The following KPNB1 variants were observed in gnomAD, a reference collection of about 807,000 sequenced individuals.
The protein encoded by KPNB1 is importin subunit beta-1.
KPNB1 carries 7 observed loss-of-function variants against 113.0 expected under a neutral mutation model. The ratio of observed to expected loss-of-function variants is 0.06; its 90% CI spans 0.04 to 0.12. The LOEUF is 0.12. KPNB1 is among the 10% of genes least tolerant of loss of function. The pLI, the probability that KPNB1 is intolerant of heterozygous loss-of-function variation, is 1.00. For missense variants in KPNB1, 400 were observed against 1,054.8 expected (o/e 0.38, Z 8.60); for synonymous variants, 363 against 378.6 (o/e 0.96, Z 0.48).
intron 3 of KPNB1, among the ~76,000 whole-genome samples, chr17:47,653,533 C>T (rs2317826): frequency 0.47 from 72,098 of 151,852 alleles, 17,449 homozygotes; most frequent in African/African-American, 0.53. Flanking sequence ...TGAGCCACCT[C>T]GCCTGGCTGT....
In KPNB1 at chr17:47,680,284, T is replaced by G. The variant is rs1250625623; in HGVS notation, c.2468+150T>G. 5 of 752,262 alleles carry G rather than the reference T, an allele frequency of 6.6e-6. No individual in the cohort carries two copies. The African/African-American group carries it at 6.9e-5, about 10-fold the overall frequency. 46.6% of individuals were successfully genotyped at this position (752,262 alleles called of 1,614,324 possible). On this transcript the variant is annotated intron_variant, in intron 20 of 21. Transcript: ENST00000290158. ...TTGCAGAACGCTTCATGTCCTGTTT[T>G]GAGTGTTCACATGATAGTTTATTCC...
chr17:47,650,535 A>G, intron 2 of KPNB1, 91 bp downstream of exon 2: 1 of 1,058,934 alleles, frequency 9.4e-7, no homozygotes. Flanking sequence ...GGCCTCGGGA[A>G]CCTACCCCGC....
In KPNB1 at chr17:47,676,417, G is replaced by A. The variant is rs1386487225; in HGVS notation, c.1921G>A (p.Gly641Ser). 8 of 1,611,850 alleles carry A rather than the reference G, an allele frequency of 5.0e-6. No individual in the cohort carries two copies. Among genetic ancestry groups the A allele is most frequent in the Non-Finnish European group, 6.8e-6 (8 of 1,177,922 alleles). Reference protein sequence around the residue: ...AVSTLVEVLGGEFLKYMEAFK... With the variant: ...AVSTLVEVLGSEFLKYMEAFK... ...AGCTTATTTCATTACAGTGTTGGGT[G>A]GTGAATTCCTCAAGTACATGGAGGC... is the stretch of plus-strand genomic sequence containing the variant. Residue 641 changes from glycine (G) to serine (S), a missense_variant, in exon 16 of 22, where the codon GGT (glycine) becomes AGT (serine). By Grantham distance (56) the Gly-to-Ser change is moderately conservative (BLOSUM62 0). This residue lies in a region of KPNB1 where 115 missense variants were observed against 427.9 expected (regional missense o/e 0.27). Transcript: ENST00000290158.
chr17:47,669,837 G>T lies in KPNB1; in HGVS notation c.1384G>T (p.Ala462Ser). The change falls in exon 11 of 22, where the codon GCT becomes TCT. Residue 462 changes from alanine to serine, a missense_variant. Ala to Ser is a moderately conservative substitution (Grantham distance 99). Coordinates refer to ENST00000290158, the MANE Select transcript of KPNB1 (RefSeq NM_002265.6). ...LLQCLIEGLS[A>S]EPRVASNVCW... Reference sequence around the variant, plus strand: ...ACAGTGTCTGATTGAGGGTCTCAGTGCTGAACCCAGAGTGGCTTCAAATGT... The same window carrying T: ...ACAGTGTCTGATTGAGGGTCTCAGTTCTGAACCCAGAGTGGCTTCAAATGT... The T allele has an allele frequency of 6.2e-7, 1 of 1,611,956 alleles. No homozygotes were observed. Among genetic ancestry groups the T allele is most frequent in the Non-Finnish European group, 8.5e-7 (1 of 1,178,116 alleles).
In KPNB1 at chr17:47,679,792, G is replaced by A. The variant is rs903933585; in HGVS notation, c.2354-228G>A. 1.1e-5 allele frequency: 4 copies of A among 380,212 alleles called. No individual in the cohort carries two copies. The South Asian group carries it at 1.1e-4, about 11-fold the overall frequency. 23.6% of individuals were successfully genotyped at this position (380,212 alleles called of 1,614,324 possible). A position where few individuals can be genotyped will look rare whatever the true frequency, so the allele number is the denominator to read the frequency against. On this transcript the variant is annotated intron_variant, in intron 19 of 21. Coordinates refer to ENST00000290158, the MANE Select transcript of KPNB1 (RefSeq NM_002265.6). ...GCTCACTGCAAGCTCCGCCTCCTGG[G>A]TTCACGCCATTTTCCTACCTCAGCC...
chr17:47,650,387 T>C lies in KPNB1; in HGVS notation c.42T>C (p.Asp14=), dbSNP rs546601049. ...CGTCTCCCACTTTCCTCCCCCTAGA[T>C]CGGCTGGAGCTGGAAGCGGCGCAGA... The part of the protein sequence containing the change: ...ITILEKTVSP[D]RLELEAAQKF... The change falls in exon 2 of 22, where the codon GAT becomes GAC. Residue 14 remains aspartate (D), a splice_region_variant and synonymous_variant. Coordinates refer to ENST00000290158, the MANE Select transcript of KPNB1 (RefSeq NM_002265.6). The C allele has an allele frequency of 6.2e-7, 1 of 1,610,884 alleles. No individual in the cohort carries two copies. The highest frequency in any genetic ancestry group is 1.3e-5 in the African/African-American group (1 of 74,614).
At chr17:47,671,210 C>G (rs1381859118) in intron 12 of KPNB1, among the ~76,000 whole-genome samples, 1 of 152,122 alleles carries the variant, frequency 6.6e-6, no homozygotes, top group Non-Finnish European at 1.5e-5. Context: ...TGAGCTGAGA[C>G]TGCGCCATTG....
In KPNB1 at chr17:47,683,650, GTTCTT is replaced by G. The variant is rs2030863011; in HGVS notation, c.*1249_*1253del. On this transcript the variant is annotated 3_prime_UTR_variant, in exon 22 of 22. Coordinates refer to ENST00000290158, the MANE Select transcript of KPNB1 (RefSeq NM_002265.6). Reference sequence around the variant, plus strand: ...CCATTTGGAAACTGCTTGGCCTTCTGTTCTTTTATTTGATTGACTACAATGCGGTA... The same window carrying G: ...CCATTTGGAAACTGCTTGGCCTTCTGTTATTTGATTGACTACAATGCGGTA... 6.6e-6 allele frequency: 1 copy of G among 152,250 alleles called. No homozygotes were observed. Among genetic ancestry groups the G allele is most frequent in the Non-Finnish European group, 1.5e-5 (1 of 67,968 alleles). The allele number at this position is 152,250 out of a possible 1,614,324, so 9.4% of individuals were successfully genotyped here.
chr17:47,680,218 C>A, intron 20 of KPNB1, 84 bp downstream of exon 20: 2 of 993,398 alleles, frequency 2.0e-6, no homozygotes, highest in South Asian at 1.4e-5. Flanking sequence ...TTGAGAGTAT[C>A]GCGGATGGCA....
At chr17:47,661,216 T>C in intron 6 of KPNB1, 38 bp downstream of exon 6, 1 of 1,465,972 alleles carries the variant, frequency 6.8e-7, no homozygotes, top group African/African-American at 1.4e-5. Flanking sequence ...GTCTTACATC[T>C]TTCTTAGGAA....
chr17:47,657,134 C>T (rs953596080), intron 4 of KPNB1, 74 bp downstream of exon 4: 7 of 1,217,292 alleles, frequency 5.8e-6, no homozygotes, highest in Non-Finnish European at 7.1e-6. Flanking sequence ...GATATTAGTA[C>T]TACCTTATTG....
At chr17:47,652,486 G>T (rs1233282326) in intron 2 of KPNB1, among the ~76,000 whole-genome samples, 1 of 152,038 alleles carries the variant, frequency 6.6e-6, no homozygotes, top group African/African-American at 2.4e-5. Context: ...CGAGAAAAGT[G>T]GAAGACTTCC....
intron 19 of KPNB1, 168 bp from the exon 20 acceptor site, chr17:47,679,852 A>G (rs1317182898): frequency 4.0e-6 from 2 of 494,812 alleles, no homozygotes; most frequent in Non-Finnish European, 7.4e-6. Flanking sequence ...GCCCGCCACC[A>G]CGCCCGGCTA....
chr17:47,673,668 G>C (rs1208744806), intron 14 of KPNB1, 107 bp downstream of exon 14: 1 of 847,026 alleles, frequency 1.2e-6, no homozygotes, highest in Non-Finnish European at 2.0e-6. Flanking sequence ...TAGATGATGC[G>C]GATCAGAAGC....
intron 11 of KPNB1, chr17:47,670,499 T>C (rs1315324112): frequency 9.3e-6 from 4 of 428,388 alleles, no homozygotes; most frequent in Non-Finnish European, 8.5e-6. Flanking sequence ...GTTGTCAGAT[T>C]ATCAGACAGG....
intron 12 of KPNB1, among the ~76,000 whole-genome samples, chr17:47,671,482 T>A (rs2030444745): frequency 6.6e-6 from 1 of 152,184 alleles, no homozygotes; most frequent in African/African-American, 2.4e-5. Context: ...GTACTCATTA[T>A]GAATTTGATT....
Position 47,676,878 on chromosome 17 carries a change from G to A in KPNB1, c.1996-142G>A. The A allele has an allele frequency of 3.6e-6, 2 of 557,482 alleles. 1 individual carries two copies. Among genetic ancestry groups the A allele is most frequent in the South Asian group, 4.3e-5 (2 of 46,594 alleles). 34.5% of individuals were successfully genotyped at this position (557,482 alleles called of 1,614,324 possible). A position where few individuals can be genotyped will look rare whatever the true frequency, so the allele number is the denominator to read the frequency against. ...ATAGTCTTTGTTCCCTGCCTGCCAT[G>A]TTGGTTGTTGAAAAATTAATCTCGG... On this transcript the variant is annotated intron_variant, in intron 16 of 21. Coordinates refer to ENST00000290158, the MANE Select transcript of KPNB1 (RefSeq NM_002265.6).
chr17:47,680,060 G>C lies in KPNB1; in HGVS notation c.2394G>C (p.Leu798=). The stretch of plus-strand genomic sequence containing the variant: ...TACAACCCAGAGTAGAATTTATTCT[G>C]TCTTTCATTGACCACATTGCTGGAG... ...MLVQPRVEFI[L]SFIDHIAGDE... is the part of the protein sequence containing the mutation. The change falls in exon 20 of 22, where the codon CTG becomes CTC. Residue 798 remains leucine (L), a synonymous_variant. Coordinates refer to ENST00000290158, the MANE Select transcript of KPNB1 (RefSeq NM_002265.6). 1 of 1,613,906 alleles carries C rather than the reference G, an allele frequency of 6.2e-7. No homozygotes were observed. Among genetic ancestry groups the C allele is most frequent in the Non-Finnish European group, 8.5e-7 (1 of 1,179,794 alleles).
At chr17:47,671,806 C>G (rs4399567) in intron 12 of KPNB1, 70,516 of 151,872 alleles carry the variant, frequency 0.46, 17,083 homozygotes, top group Middle Eastern at 0.55. Context: ...GGATTACAGG[C>G]ATGAGCCACC....
Sources: allele counts gnomAD v4.1 joint callset (sites outside exome capture counted in the v4.1 genomes callset), GRCh38; gene constraint gnomAD v4.1.1; regional missense constraint gnomAD v4.1.1; transcripts MANE v1.5; gene names NCBI Gene and HGNC (gene_info 2026-07-23, HGNC 2026-07-21).